Variants in P2RY6 observed in about 807,000 individuals in gnomAD.
P2RY6 encodes P2Y purinoceptor 6.
A neutral mutation model predicts 16.3 loss-of-function variants in P2RY6; 19 were observed. That is an observed-to-expected ratio of 1.16 (90% CI 0.81 to 1.71). The LOEUF is 1.71. P2RY6 is among the 40% of genes most tolerant of loss of function. P2RY6 has a pLI of 0.00. For missense variants in P2RY6, 389 were observed against 455.5 expected (o/e 0.85, Z 1.33); for synonymous variants, 184 against 201.5 (o/e 0.91, Z 0.74).
At chr11:73,293,995 G>A (rs1864377506) in intron 1 of P2RY6, among the ~76,000 whole-genome samples, 1 of 152,110 alleles carries the variant, frequency 6.6e-6, no homozygotes, top group Admixed American at 6.5e-5. Context: ...GGGAGGGGCA[G>A]AGGCTGCCTC....
At chr11:73,266,181 C>T (rs978797690) in intron 1 of P2RY6, among the ~76,000 whole-genome samples, 1 of 152,154 alleles carries the variant, frequency 6.6e-6, no homozygotes, top group African/African-American at 2.4e-5. Context: ...TTTCCCATTC[C>T]CAGACTGAAT....
chr11:73,294,702 T>C (rs1452472793), intron 1 of P2RY6, among the ~76,000 whole-genome samples: 1 of 152,222 alleles, frequency 6.6e-6, no homozygotes, highest in Non-Finnish European at 1.5e-5. Context: ...CAAAATGAAA[T>C]TGCAAGTTGG....
chr11:73,281,302 A>T (rs1055518659), intron 1 of P2RY6, among the ~76,000 whole-genome samples: 6 of 152,200 alleles, frequency 3.9e-5, no homozygotes, highest in Non-Finnish European at 8.8e-5. Context: ...GTGCTAGGTC[A>T]AGTCTGTAAG....
upstream of P2RY6, among the ~76,000 whole-genome samples, chr11:73,267,706 G>A (rs1863151272): frequency 6.6e-6 from 1 of 152,152 alleles, no homozygotes; most frequent in African/African-American, 2.4e-5. Context: ...TTAAAACCTT[G>A]CCTTGAGCTG....
intron 1 of P2RY6, among the ~76,000 whole-genome samples, chr11:73,290,350 AGAAAGAAAGAAAGAAG>A (rs556632721): frequency 0.053 from 7,334 of 138,890 alleles, 232 homozygotes; most frequent in Middle Eastern, 0.07. Context: ...AAAGAAAGAA[AGAAAGAAAGAAAGAAG>A]GAAAGAAAGA....
At chr11:73,290,322 A>C (rs914876180) in intron 1 of P2RY6, among the ~76,000 whole-genome samples, 2 of 134,572 alleles carry the variant, frequency 1.5e-5, no homozygotes. Flanking sequence ...AAAGAAAGAA[A>C]GAAAGAAAGA....
Position 73,297,744 on chromosome 11 carries a change from A to G in P2RY6, c.*239A>G. On this transcript the variant is annotated 3_prime_UTR_variant, in exon 3 of 3. Transcript: ENST00000540124. Reference sequence around the variant, plus strand: ...GGCTCTTGAGAGGTCCCAGTCAGCCATGGAGAGCTGGGGAAACCACATTAA... The same window carrying G: ...GGCTCTTGAGAGGTCCCAGTCAGCCGTGGAGAGCTGGGGAAACCACATTAA... The G allele has an allele frequency of 3.5e-6, 2 of 565,940 alleles. No individual in the cohort carries two copies. The highest frequency in any genetic ancestry group is 6.5e-6 in the Non-Finnish European group (2 of 309,608). The allele number at this position is 565,940 out of a possible 1,614,324, so 35.1% of individuals were successfully genotyped here.
chr11:73,297,767 TA>T lies in P2RY6; in HGVS notation c.*264del. The T allele has an allele frequency of 1.9e-6, 1 of 519,244 alleles. No individual in the cohort carries two copies. Among genetic ancestry groups the T allele is most frequent in the East Asian group, 3.2e-5 (1 of 31,322 alleles). 32.2% of individuals were successfully genotyped at this position (519,244 alleles called of 1,614,324 possible). A position where few individuals can be genotyped will look rare whatever the true frequency, so the allele number is the denominator to read the frequency against. ...CCATGGAGAGCTGGGGAAACCACAT[TA>T]AGGTGCTCACAAAAATACAGTGTGA... On this transcript the variant is annotated 3_prime_UTR_variant, in exon 3 of 3. Transcript: ENST00000540124.
At chr11:73,285,362 C>G (rs1171631519) in intron 1 of P2RY6, among the ~76,000 whole-genome samples, 1 of 152,250 alleles carries the variant, frequency 6.6e-6, no homozygotes, top group African/African-American at 2.4e-5. Context: ...GCGTGAGCCA[C>G]CACACCCGGC....
At chr11:73,268,362 G>A (rs1173556995), upstream of P2RY6, among the ~76,000 whole-genome samples, 1 of 152,314 alleles carries the variant, frequency 6.6e-6, no homozygotes, top group African/African-American at 2.4e-5. Context: ...GGTGGCTCAC[G>A]TTTGTGATCC....
At chr11:73,279,562 A>G (rs1863674633) in intron 1 of P2RY6, among the ~76,000 whole-genome samples, 1 of 152,206 alleles carries the variant, frequency 6.6e-6, no homozygotes, top group South Asian at 2.1e-4. Context: ...CAGCAGTTAC[A>G]AGGATGCCAT....
intron 1 of P2RY6, among the ~76,000 whole-genome samples, chr11:73,290,300 A>G (rs1164572999): frequency 8.9e-6 from 1 of 112,720 alleles, no homozygotes; most frequent in African/African-American, 4.0e-5. Flanking sequence ...GAAAGAAAGA[A>G]AGAAAAGAAA....
rs372078262 is a variant in P2RY6 at position 73,297,325 on chromosome 11, G to A, written c.807G>A (p.Pro269=). The change falls in exon 3 of 3, where the codon CCG becomes CCA. Residue 269 remains proline, a synonymous_variant. Coordinates refer to ENST00000540124, the MANE Select transcript of P2RY6 (RefSeq NM_001277204.2). ...KTAYLAVRST[P]GVPCTVLEAF... ...CCTACCTGGCAGTGCGCTCGACGCC[G>A]GGCGTCCCCTGCACTGTATTGGAGG... is the stretch of plus-strand genomic sequence containing the variant. The A allele has an allele frequency of 4.8e-5, 77 of 1,610,472 alleles. No individual in the cohort carries two copies. The highest frequency in any genetic ancestry group is 1.2e-4 in the African/African-American group (9 of 74,916).
intron 1 of P2RY6, among the ~76,000 whole-genome samples, chr11:73,281,240 C>G (rs1863749905): frequency 6.6e-6 from 1 of 152,180 alleles, no homozygotes; most frequent in Non-Finnish European, 1.5e-5. Context: ...CGCCCTCAGC[C>G]CATCCTCATG....
At chr11:73,280,463 G>A (rs1863713088) in intron 1 of P2RY6, among the ~76,000 whole-genome samples, 1 of 152,138 alleles carries the variant, frequency 6.6e-6, no homozygotes, top group Non-Finnish European at 1.5e-5. Context: ...GCCTCTCACA[G>A]ACTCTGCCTT....
chr11:73,278,959 A>G (rs982565301), intron 1 of P2RY6, among the ~76,000 whole-genome samples: 1 of 151,544 alleles, frequency 6.6e-6, no homozygotes, highest in Non-Finnish European at 1.5e-5. Flanking sequence ...TTTCACAGAG[A>G]CCACATCATT....
intron 1 of P2RY6, among the ~76,000 whole-genome samples, chr11:73,267,251 C>G (rs1304106887): frequency 2.6e-5 from 4 of 152,170 alleles, no homozygotes; most frequent in Admixed American, 2.6e-4. Context: ...TGAGAAGCCC[C>G]AGAAAAGGTC....
At chr11:73,294,542 C>A (rs1042104143) in intron 1 of P2RY6, among the ~76,000 whole-genome samples, 6 of 152,194 alleles carry the variant, frequency 3.9e-5, no homozygotes, top group African/African-American at 1.4e-4. Flanking sequence ...TTGTGCCTAC[C>A]TTGTCCTAGC....
At chr11:73,270,427 G>A (rs1308953455), upstream of P2RY6, among the ~76,000 whole-genome samples, 1 of 152,110 alleles carries the variant, frequency 6.6e-6, no homozygotes, top group Non-Finnish European at 1.5e-5. Flanking sequence ...GCTGACGGGG[G>A]GCACAGCCAG....
Sources: allele counts gnomAD v4.1 joint callset (sites outside exome capture counted in the v4.1 genomes callset), GRCh38; gene constraint gnomAD v4.1.1; transcripts MANE v1.5; gene names NCBI Gene and HGNC (gene_info 2026-07-23, HGNC 2026-07-21).